PARP6: variants seen among roughly 807,000 people sequenced by gnomAD.
The protein encoded by PARP6 is poly(ADP-ribose) polymerase family member 6.
In PARP6, 27 loss-of-function variants were observed where a neutral mutation model predicts 92.0. That is an observed-to-expected ratio of 0.29 (90% CI 0.22 to 0.40). PARP6 has a LOEUF of 0.40. PARP6 is among the 10% of genes least tolerant of loss of function. The pLI, the probability that PARP6 is intolerant of heterozygous loss-of-function variation, is 1.00. For synonymous variants in PARP6, 272 were observed against 281.2 expected, an observed-to-expected ratio of 0.97 and a Z score of 0.33; for missense variants, 501 against 784.5, an observed-to-expected ratio of 0.64 and a Z score of 4.32.
intron 18 of PARP6, 92 bp from the exon 19 acceptor site, chr15:72,250,184 C>A: frequency 1.2e-6 from 1 of 802,966 alleles, no homozygotes; most frequent in Non-Finnish European, 2.2e-6. Flanking sequence ...CTCACCCACA[C>A]AGGACATGAA....
Position 72,250,239 on chromosome 15 carries a change from C to A in PARP6, c.1419-147G>T. On this transcript the variant is annotated intron_variant, in intron 18 of 23. Transcript: ENST00000569795. ...TGATGGACATGCACATGGATACAGTCACAGGCATGCAAGATGTGTGTGTGT... is the reference window on the plus strand; with the variant it reads ...TGATGGACATGCACATGGATACAGTAACAGGCATGCAAGATGTGTGTGTGT... 6 of 642,014 alleles carry A rather than the reference C, an allele frequency of 9.3e-6. No individual in the cohort carries two copies. In the South Asian group the frequency reaches 1.0e-4, roughly 11 times the overall value. 39.8% of individuals were successfully genotyped at this position (642,014 alleles called of 1,614,324 possible). A position where few individuals can be genotyped will look rare whatever the true frequency, so the allele number is the denominator to read the frequency against.
intron 9 of PARP6, 130 bp downstream of exon 9, chr15:72,261,428 G>T: frequency 2.5e-6 from 2 of 788,892 alleles, no homozygotes; most frequent in Non-Finnish European, 4.3e-6. Flanking sequence ...AGGACCATGT[G>T]AGTGGTGTCA....
At chr15:72,253,801 A>T (rs1168431228) in intron 15 of PARP6, 1 of 540,356 alleles carries the variant, frequency 1.9e-6, no homozygotes, top group Non-Finnish European at 3.5e-6. Flanking sequence ...AAATAAAATC[A>T]ATGTCCCAAG....
intron 20 of PARP6, among the ~76,000 whole-genome samples, chr15:72,248,010 A>T (rs2083841211): frequency 6.6e-6 from 1 of 152,112 alleles, no homozygotes; most frequent in South Asian, 2.1e-4. Flanking sequence ...ACCTCAAGTG[A>T]TCTGCCCACA....
chr15:72,265,098 T>TG lies in PARP6; in HGVS notation c.310dup (p.Gln104ProfsTer11). ...GCCTTTACCTGGTCCATCTAGGTAC[T>TG]GGGAGAGAGAAAATCGCAGCCTCAA... On this transcript the variant is annotated frameshift_variant, in exon 7 of 24. Transcript: ENST00000569795. LOFTEE classifies it high-confidence loss of function. The TG allele has an allele frequency of 6.2e-7, 1 of 1,613,000 alleles. No individual in the cohort carries two copies. The highest frequency in any genetic ancestry group is 8.5e-7 in the Non-Finnish European group (1 of 1,179,022).
intron 9 of PARP6, 104 bp from the exon 10 acceptor site, chr15:72,260,792 G>C (rs1232553319): frequency 8.5e-6 from 7 of 819,302 alleles, no homozygotes; most frequent in African/African-American, 1.7e-5. Context: ...CTAAACTAAA[G>C]AAAGACAAAC....
rs962527053 is a variant in PARP6, at chr15:72,241,270, A to G, written c.*185T>C. ...TCAGGGGATGGAGTCAGTCTGGGCC[A>G]TCCGAATGTGGAGTAGTTCTTGGGT... On this transcript the variant is annotated 3_prime_UTR_variant, in exon 24 of 24. Transcript: ENST00000569795. The surrounding 1 kb of genome is among the most constrained non-coding windows in gnomAD (Gnocchi z 4.1). 2 of 691,570 alleles carry G rather than the reference A, an allele frequency of 2.9e-6. No individual in the cohort carries two copies. The highest frequency in any genetic ancestry group is 5.3e-6 in the Non-Finnish European group (2 of 377,220). 42.8% of individuals were successfully genotyped at this position (691,570 alleles called of 1,614,324 possible).
At chr15:72,262,300 T>C (rs1217062938) in intron 8 of PARP6, among the ~76,000 whole-genome samples, 1 of 152,108 alleles carries the variant, frequency 6.6e-6, no homozygotes, top group Non-Finnish European at 1.5e-5. Flanking sequence ...ACCAAAAACC[T>C]CTCTTCCTTC....
chr15:72,266,964 T>C, intron 3 of PARP6, 142 bp from the exon 4 acceptor site: 1 of 657,860 alleles, frequency 1.5e-6, no homozygotes, highest in South Asian at 1.8e-5. Context: ...TTTACACCTT[T>C]CATGTCACCC....
At chr15:72,257,769 G>A (rs2085320854) in intron 12 of PARP6, among the ~76,000 whole-genome samples, 1 of 152,134 alleles carries the variant, frequency 6.6e-6, no homozygotes, top group South Asian at 2.1e-4. Flanking sequence ...AGTCCTTGAG[G>A]ACAGCATCAT....
intron 20 of PARP6, among the ~76,000 whole-genome samples, chr15:72,248,860 A>G (rs2083959598): frequency 1.3e-5 from 2 of 152,242 alleles, no homozygotes; most frequent in African/African-American, 4.8e-5. Context: ...AGCCAATGGA[A>G]AGGACGCAAG....
chr15:72,250,616 T>C (rs2084216192), intron 18 of PARP6, among the ~76,000 whole-genome samples: 1 of 152,242 alleles, frequency 6.6e-6, no homozygotes, highest in Non-Finnish European at 1.5e-5. Flanking sequence ...GCCACATCTT[T>C]TCACATGTAA....
chr15:72,255,643 T>C (rs2084979065), intron 14 of PARP6, among the ~76,000 whole-genome samples: 2 of 152,108 alleles, frequency 1.3e-5, no homozygotes, highest in Non-Finnish European at 2.9e-5. Flanking sequence ...ACTGTAGATA[T>C]TGGGACTTCT....
chr15:72,254,547 A>T, intron 14 of PARP6, 27 bp from the exon 15 acceptor site: 1 of 1,577,688 alleles, frequency 6.3e-7, no homozygotes, highest in Non-Finnish European at 8.7e-7. Flanking sequence ...GGAAGAGAAG[A>T]ACCAAATAAA....
Position 72,241,572 on chromosome 15 carries a change from G to C in PARP6, c.1791-15C>G. The C allele has an allele frequency of 1.3e-6, 2 of 1,552,450 alleles. No individual in the cohort carries two copies. Among genetic ancestry groups the C allele is most frequent in the Non-Finnish European group, 1.8e-6 (2 of 1,123,638 alleles). On this transcript the variant is annotated splice_polypyrimidine_tract_variant and intron_variant, in intron 23 of 23. Transcript: ENST00000569795. The surrounding 1 kb of genome is among the most constrained non-coding windows in gnomAD (Gnocchi z 4.1). ...CATCCTCATATCTGCCAAAGATAGG[G>C]CAAGTGTGAGCATAAGAGGGAGAAC...
Position 72,250,968 on chromosome 15 carries a change from TG to T in PARP6, c.1309-15del, listed in dbSNP as rs2084267407. On this transcript the variant is annotated splice_polypyrimidine_tract_variant and intron_variant, in intron 17 of 23. Coordinates refer to ENST00000569795, the MANE Select transcript of PARP6 (RefSeq NM_001323532.2). ...CATGAACTTCAGCTGCTGCCCAGGG[TG>T]GGGGTGGAATCAGGAAAACAGAGCA... is the stretch of plus-strand genomic sequence containing the variant. 1.3e-6 allele frequency: 2 copies of T among 1,577,990 alleles called. No homozygotes were observed. The highest frequency in any genetic ancestry group is 1.1e-5 in the South Asian group (1 of 89,126).
chr15:72,265,794 T>C lies in PARP6; in HGVS notation c.176+103A>G, dbSNP rs1597142202. On this transcript the variant is annotated intron_variant, in intron 5 of 23. Coordinates refer to ENST00000569795, the MANE Select transcript of PARP6 (RefSeq NM_001323532.2). ...TGAGCATTTTCTATCATTAAGTTCA[T>C]AATTTATCCCACTATCATACCATAA... is the stretch of plus-strand genomic sequence containing the variant. 5.0e-6 allele frequency: 4 copies of C among 797,272 alleles called. No individual in the cohort carries two copies. The East Asian group carries it at 7.8e-5, about 16-fold the overall frequency. 49.4% of individuals were successfully genotyped at this position (797,272 alleles called of 1,614,324 possible). A position where few individuals can be genotyped will look rare whatever the true frequency, so the allele number is the denominator to read the frequency against.
chr15:72,250,861 T>C lies in PARP6; in HGVS notation c.1402A>G (p.Ser468Gly). The change falls in exon 18 of 24, where the codon AGC becomes GGC. Residue 468 changes from serine to glycine, a missense_variant. Transcript: ENST00000569795. Reference protein sequence around the residue: ...RFRTAKKLYGSTFAFHGSHIE... With the variant: ...RFRTAKKLYGGTFAFHGSHIE... ...CCTCCTCACTGGAAGGCAAAGGTGC[T>C]GCCATAGAGCTTCTTGGCGGTCCGG... is the stretch of plus-strand genomic sequence containing the variant. 1 of 1,606,546 alleles carries C rather than the reference T, an allele frequency of 6.2e-7. No homozygotes were observed. The highest frequency in any genetic ancestry group is 8.5e-7 in the Non-Finnish European group (1 of 1,174,956).
intron 14 of PARP6, among the ~76,000 whole-genome samples, chr15:72,255,806 T>G (rs1204938745): frequency 2.5e-5 from 3 of 120,034 alleles, no homozygotes; most frequent in Non-Finnish European, 5.0e-5. Context: ...TTTTTTTTTT[T>G]TTTTTTTTGA....
Sources: allele counts gnomAD v4.1 joint callset (sites outside exome capture counted in the v4.1 genomes callset), GRCh38; gene constraint gnomAD v4.1.1; non-coding constraint Gnocchi (gnomAD v3.1); transcripts MANE v1.5; gene names NCBI Gene and HGNC (gene_info 2026-07-23, HGNC 2026-07-21).